Variants in POFUT3 observed in about 807,000 individuals in gnomAD.
POFUT3 encodes the protein GDP-fucose protein O-fucosyltransferase 3.
the POFUT3 span, among the ~76,000 whole-genome samples, chr8:33,374,369 C>A: frequency 6.6e-6 from 1 of 152,122 alleles, no homozygotes. Flanking sequence ...AGACATTAGA[C>A]AAACCGTATG....
chr8:33,427,079 C>T, the POFUT3 span, among the ~76,000 whole-genome samples: 6 of 152,208 alleles, frequency 3.9e-5, no homozygotes, highest in South Asian at 2.1e-4. Context: ...GCAGAGGAAT[C>T]GCTGCCACAC....
the POFUT3 span, among the ~76,000 whole-genome samples, chr8:33,439,734 G>T: frequency 6.6e-6 from 1 of 151,952 alleles, no homozygotes; most frequent in Non-Finnish European, 1.5e-5. Flanking sequence ...AGGTACAGTG[G>T]CAGGCACCTA....
the POFUT3 span, among the ~76,000 whole-genome samples, chr8:33,379,507 C>A: frequency 2.6e-5 from 4 of 152,046 alleles, no homozygotes; most frequent in Non-Finnish European, 5.9e-5. Flanking sequence ...TTGGAACTAT[C>A]AGGCAGGAAC....
the POFUT3 span, among the ~76,000 whole-genome samples, chr8:33,328,636 G>T: frequency 6.6e-6 from 1 of 152,082 alleles, no homozygotes; most frequent in African/African-American, 2.4e-5. Context: ...ATGGAGTAAG[G>T]CCTGATCTAA....
At chr8:33,468,251 AAAAAAAG>A in the POFUT3 span, among the ~76,000 whole-genome samples, 14 of 144,090 alleles carry the variant, frequency 9.7e-5, no homozygotes, top group African/African-American at 3.6e-4. Flanking sequence ...AAAAAAAAAA[AAAAAAAG>A]AAGAAGAAGA....
chr8:33,331,690 T>TTGTTGTTGTTGTTG, the POFUT3 span, among the ~76,000 whole-genome samples: 2 of 145,614 alleles, frequency 1.4e-5, no homozygotes, highest in African/African-American at 5.6e-5. Flanking sequence ...TGTTGTTGTT[T>TTGTTGTTGTTGTTG]TTTGAGACGG....
At chr8:33,404,294 C>A in the POFUT3 span, among the ~76,000 whole-genome samples, 1 of 149,742 alleles carries the variant, frequency 6.7e-6, no homozygotes, top group African/African-American at 2.5e-5. Context: ...GCCAAGATCA[C>A]ACCACTGCAC....
the POFUT3 span, among the ~76,000 whole-genome samples, chr8:33,316,632 C>T: frequency 6.6e-6 from 1 of 151,388 alleles, no homozygotes; most frequent in South Asian, 2.1e-4. Context: ...ATCCCAGCTA[C>T]TTAGGAGGCT....
the POFUT3 span, among the ~76,000 whole-genome samples, chr8:33,320,118 T>C: frequency 6.6e-6 from 1 of 151,978 alleles, no homozygotes; most frequent in Non-Finnish European, 1.5e-5. Context: ...ATGTCATTTA[T>C]ATGAGATCTT....
chr8:33,365,079 G>T, the POFUT3 span, among the ~76,000 whole-genome samples: 1 of 152,158 alleles, frequency 6.6e-6, no homozygotes, highest in Non-Finnish European at 1.5e-5. Context: ...CAATGGAACA[G>T]AACAGAGGCC....
chr8:33,327,815 T>C, the POFUT3 span, among the ~76,000 whole-genome samples: 2 of 152,322 alleles, frequency 1.3e-5, no homozygotes, highest in Admixed American at 1.3e-4. Flanking sequence ...CCGTGACTAA[T>C]TCCTGTTGGC....
chr8:33,408,213 C>T, the POFUT3 span, among the ~76,000 whole-genome samples: 10 of 151,466 alleles, frequency 6.6e-5, no homozygotes, highest in African/African-American at 2.2e-4. Flanking sequence ...GTAGTCCCAG[C>T]TACTTGGAGG....
the POFUT3 span, among the ~76,000 whole-genome samples, chr8:33,310,740 G>A: frequency 4.0e-5 from 6 of 150,966 alleles, no homozygotes; most frequent in East Asian, 6.4e-4. Context: ...ACATTGTCGA[G>A]CAGAGCTGTG....
chr8:33,311,793 T>C, the POFUT3 span, among the ~76,000 whole-genome samples: 1 of 152,164 alleles, frequency 6.6e-6, no homozygotes, highest in African/African-American at 2.4e-5. Flanking sequence ...TCTTTTGTTC[T>C]GATATGTTTT....
At chr8:33,349,893 C>T in the POFUT3 span, among the ~76,000 whole-genome samples, 1 of 152,122 alleles carries the variant, frequency 6.6e-6, no homozygotes, top group African/African-American at 2.4e-5. Flanking sequence ...AGTTTACATT[C>T]CCACCAGCAG....
chr8:33,379,337 A>G, the POFUT3 span, among the ~76,000 whole-genome samples: 2 of 152,022 alleles, frequency 1.3e-5, no homozygotes, highest in Non-Finnish European at 2.9e-5. Flanking sequence ...GTCCATTGCC[A>G]TACATAAACA....
At chr8:33,455,994 A>T in the POFUT3 span, 1 of 357,652 alleles carries the variant, frequency 2.8e-6, no homozygotes, top group Non-Finnish European at 5.5e-6. Context: ...GGATCACCTG[A>T]GACGCCAAAG....
chr8:33,388,891 G>A, the POFUT3 span: 1 of 1,204,598 alleles, frequency 8.3e-7, no homozygotes, highest in Non-Finnish European at 1.2e-6. Context: ...AACAACAGAA[G>A]GAAATGCAGG....
At chr8:33,324,085 T>A in the POFUT3 span, among the ~76,000 whole-genome samples, 6 of 152,164 alleles carry the variant, frequency 3.9e-5, no homozygotes, top group African/African-American at 1.2e-4. Flanking sequence ...CAACATGTGA[T>A]GTCCATAGAC....
Sources: gnomAD v4.1 joint callset for allele counts (sites outside exome capture counted in the v4.1 genomes callset) on GRCh38, gnomAD v4.1.1 for gene constraint, MANE v1.5 for transcripts, NCBI Gene and HGNC (gene_info 2026-07-23, HGNC 2026-07-21) for gene names.